The following GALNTL6 variants were observed in gnomAD, a reference collection of about 807,000 sequenced individuals.
GALNTL6 encodes polypeptide N-acetylgalactosaminyltransferase-like 6.
In GALNTL6, 46 loss-of-function variants were observed where a neutral mutation model predicts 73.7. The observed-to-expected ratio is 0.62, with a 90% CI of 0.49 to 0.80. The LOEUF (loss-of-function observed/expected upper bound fraction) is 0.80. Among genes scored for constraint, GALNTL6 ranks in the 30% least tolerant of loss-of-function variants. The pLI is 0.00. For synonymous variants in GALNTL6, 259 were observed against 263.7 expected (o/e 0.98, Z 0.17); for missense variants, 604 against 755.0 (o/e 0.80, Z 2.34).
At chr4:172,410,480 T>C (rs1579046684) in intron 5 of GALNTL6, among the ~76,000 whole-genome samples, 1 of 152,136 alleles carries the variant, frequency 6.6e-6, no homozygotes, top group African/African-American at 2.4e-5. Context: ...AGCACTGCCA[T>C]AACACTGCAT....
At chr4:172,379,386 C>T (rs539226580) in intron 5 of GALNTL6, among the ~76,000 whole-genome samples, 55 of 151,928 alleles carry the variant, frequency 3.6e-4, no homozygotes, top group Middle Eastern at 3.4e-3. Context: ...AAAAATTAGC[C>T]GGGCACGGTG....
chr4:172,485,758 A>G (rs1733642805), intron 5 of GALNTL6, among the ~76,000 whole-genome samples: 1 of 152,190 alleles, frequency 6.6e-6, no homozygotes, highest in African/African-American at 2.4e-5. Context: ...TTGCAGTACT[A>G]GCATTTCATT....
intron 3 of GALNTL6, among the ~76,000 whole-genome samples, chr4:172,257,900 G>C (rs1397515751): frequency 2.0e-5 from 3 of 151,064 alleles, no homozygotes; most frequent in African/African-American, 7.3e-5. Flanking sequence ...CTAACGTAAG[G>C]TATCTTCATA....
intron 2 of GALNTL6, among the ~76,000 whole-genome samples, chr4:172,185,441 A>G (rs1735388495): frequency 6.6e-6 from 1 of 152,194 alleles, no homozygotes; most frequent in South Asian, 2.1e-4. Context: ...TCTGCAACAC[A>G]TACATCACAG....
At chr4:171,952,540 T>G (rs76034787) in intron 2 of GALNTL6, among the ~76,000 whole-genome samples, 1 of 152,048 alleles carries the variant, frequency 6.6e-6, no homozygotes, top group Non-Finnish European at 1.5e-5. Context: ...TCAAGTTCAA[T>G]TTTTTAGGGA....
At chr4:172,988,917 T>C (rs976909804) in intron 10 of GALNTL6, among the ~76,000 whole-genome samples, 9 of 152,200 alleles carry the variant, frequency 5.9e-5, no homozygotes, top group Middle Eastern at 3.2e-3. Context: ...TGTATGGAAA[T>C]GCCTGGATGT....
chr4:172,553,250 T>C (rs1386319350), intron 5 of GALNTL6, among the ~76,000 whole-genome samples: 2 of 152,172 alleles, frequency 1.3e-5, no homozygotes, highest in Non-Finnish European at 2.9e-5. Context: ...TCCTGGGCGA[T>C]GGGAATATGT....
At chr4:172,759,924 C>T (rs1383536075) in intron 5 of GALNTL6, among the ~76,000 whole-genome samples, 1 of 147,244 alleles carries the variant, frequency 6.8e-6, no homozygotes, top group Non-Finnish European at 1.5e-5. Flanking sequence ...GCAAGCTCTG[C>T]TTCCCGGGTT....
Position 172,261,890 on chromosome 4 carries a change from A to G in GALNTL6, c.247+32126A>G, listed in dbSNP as rs115621813. ...ATTCGAGAGCAGATTATTTATGTAT[A>G]ATCTGCTGTTATGTTACCATAACCT... On this transcript the variant is annotated intron_variant, in intron 3 of 12. Coordinates refer to ENST00000506823, the MANE Select transcript of GALNTL6 (RefSeq NM_001034845.3). Among the ~76,000 whole-genome samples the G allele has an allele frequency of 8.8e-3, 1,326 of 150,976 alleles. 22 individuals carry two copies. Among genetic ancestry groups the G allele is most frequent in the African/African-American group, 0.03 (1,252 of 41,410 alleles).
At chr4:172,055,126 G>A (rs1730985038) in intron 2 of GALNTL6, among the ~76,000 whole-genome samples, 1 of 151,976 alleles carries the variant, frequency 6.6e-6, no homozygotes, top group Non-Finnish European at 1.5e-5. Flanking sequence ...TATTGTATGG[G>A]GCTCTCTGGC....
intron 2 of GALNTL6, among the ~76,000 whole-genome samples, chr4:171,990,141 T>C (rs529305508): frequency 7.2e-5 from 11 of 152,306 alleles, no homozygotes; most frequent in Admixed American, 2.6e-4. Flanking sequence ...TATAACATTA[T>C]CTACATTGAA....
intron 5 of GALNTL6, among the ~76,000 whole-genome samples, chr4:172,602,678 G>A (rs1738110579): frequency 6.6e-6 from 1 of 152,098 alleles, no homozygotes; most frequent in Non-Finnish European, 1.5e-5. Context: ...GGAAAAGATT[G>A]GCAGCTTCTT....
chr4:172,442,283 C>T (rs1330292196), intron 5 of GALNTL6, among the ~76,000 whole-genome samples: 3 of 152,126 alleles, frequency 2.0e-5, no homozygotes, highest in South Asian at 2.1e-4. Flanking sequence ...GTCTCATTCT[C>T]ATATTTAAGT....
At chr4:172,207,588 A>G (rs1736179380) in intron 2 of GALNTL6, among the ~76,000 whole-genome samples, 1 of 152,232 alleles carries the variant, frequency 6.6e-6, no homozygotes, top group Non-Finnish European at 1.5e-5. Flanking sequence ...TACACGAGCC[A>G]ATACAACACC....
intron 2 of GALNTL6, among the ~76,000 whole-genome samples, chr4:172,165,913 ATAAAGCT>A (rs1734610097): frequency 6.6e-6 from 1 of 152,222 alleles, no homozygotes; most frequent in African/African-American, 2.4e-5. Flanking sequence ...CAAGAATAAC[ATAAAGCT>A]TCAGAGAAGG....
intron 2 of GALNTL6, among the ~76,000 whole-genome samples, chr4:172,211,863 A>G (rs745446680): frequency 1.3e-5 from 2 of 152,226 alleles, no homozygotes; most frequent in African/African-American, 2.4e-5. Flanking sequence ...TGCTAATACC[A>G]TTCATGAGGG....
chr4:172,074,621 T>C (rs527642802), intron 2 of GALNTL6, among the ~76,000 whole-genome samples: 23 of 152,168 alleles, frequency 1.5e-4, no homozygotes, highest in African/African-American at 4.8e-4. Flanking sequence ...AAAAATCAAA[T>C]AATGGATCCA....
Position 172,190,659 on chromosome 4 carries a change from A to T in GALNTL6, c.139-38997A>T, listed in dbSNP as rs191608571. ...GAGAGGTCTATAGAAGGATATTAGA[A>T]CCAGGCCATATGGGCCTCAAAGGCC... On this transcript the variant is annotated intron_variant, in intron 2 of 12. Transcript: ENST00000506823. Among the ~76,000 whole-genome samples, 6 of 152,294 alleles carry T rather than the reference A, an allele frequency of 3.9e-5. No individual in the cohort carries two copies. The East Asian group carries it at 1.2e-3, about 29-fold the overall frequency.
At chr4:171,860,026 T>G (rs1188152516) in intron 2 of GALNTL6, among the ~76,000 whole-genome samples, 1 of 152,186 alleles carries the variant, frequency 6.6e-6, no homozygotes, top group Non-Finnish European at 1.5e-5. Flanking sequence ...AGACAGACCT[T>G]TCTTTGGAAT....
Sources: allele counts gnomAD v4.1 joint callset (sites outside exome capture counted in the v4.1 genomes callset), GRCh38; gene constraint gnomAD v4.1.1; transcripts MANE v1.5; gene names NCBI Gene and HGNC (gene_info 2026-07-23, HGNC 2026-07-21).